The following LRRC4C variants were observed in gnomAD, a reference collection of about 807,000 sequenced individuals.
The protein encoded by LRRC4C is leucine rich repeat containing 4C, also known as leucine-rich repeat-containing protein 4C.
Under a neutral mutation model 33.6 loss-of-function variants are expected in LRRC4C, and 5 were observed. The ratio of observed to expected loss-of-function variants is 0.15; its 90% CI spans 0.08 to 0.31. The LOEUF is 0.31. LRRC4C is among the 10% of genes least tolerant of loss of function. The probability of loss-of-function intolerance (pLI) is 1.00; values close to 1 mark genes in which losing one functional copy is unlikely to be tolerated. For synonymous variants in LRRC4C, 329 were observed against 302.0 expected (o/e 1.09, Z -0.93); for missense variants, 560 against 796.7 (o/e 0.70, Z 3.58).
At chr11:41,170,511 T>A (rs1944926787) in intron 1 of LRRC4C, among the ~76,000 whole-genome samples, 1 of 152,214 alleles carries the variant, frequency 6.6e-6, no homozygotes. Flanking sequence ...GGGAAAGGAT[T>A]CCTTATTTAA....
At position 40,988,719 on chromosome 11, in the gene LRRC4C, T is replaced by C. The variant is rs1176114922; in HGVS notation, c.-495-54996A>G. Among the ~76,000 whole-genome samples the C allele has an allele frequency of 5.4e-3, 761 of 142,076 alleles. 11 individuals carry two copies. The highest frequency in any genetic ancestry group is 0.019 in the African/African-American group (716 of 38,372). 93.2% of individuals were successfully genotyped at this position (142,076 alleles called of 152,430 possible). A position where few individuals can be genotyped will look rare whatever the true frequency, so the allele number is the denominator to read the frequency against. ...TTTTCCTTTCTTTTCTTTTCTTTTT[T>C]TTTTTTTTTTTTTTTGAGACAGAGT... On this transcript the variant is annotated intron_variant, in intron 1 of 6. Coordinates refer to ENST00000528697, the MANE Select transcript of LRRC4C (RefSeq NM_001258419.2).
At chr11:40,670,889 G>GGACTAT (rs1944063781) in intron 2 of LRRC4C, among the ~76,000 whole-genome samples, 1 of 151,942 alleles carries the variant, frequency 6.6e-6, no homozygotes, top group Non-Finnish European at 1.5e-5. Context: ...TCAGCCTCCC[G>GGACTAT]AGTGGCTGGG....
intron 2 of LRRC4C, among the ~76,000 whole-genome samples, chr11:40,706,469 C>A (rs1187495184): frequency 6.6e-6 from 1 of 152,156 alleles, no homozygotes; most frequent in Non-Finnish European, 1.5e-5. Context: ...AATAGGGAAT[C>A]CTTTCCCCAT....
At chr11:41,224,148 A>G (rs1947424600) in intron 1 of LRRC4C, among the ~76,000 whole-genome samples, 1 of 152,204 alleles carries the variant, frequency 6.6e-6, no homozygotes, top group Non-Finnish European at 1.5e-5. Context: ...AAAACACTTA[A>G]GTGGATTAAA....
At chr11:41,118,016 G>T (rs1026310770) in intron 1 of LRRC4C, among the ~76,000 whole-genome samples, 10 of 152,168 alleles carry the variant, frequency 6.6e-5, no homozygotes, top group African/African-American at 2.4e-4. Context: ...GAAAGTTTAG[G>T]TAATAATTCT....
At chr11:41,105,150 C>T (rs1217634225) in intron 1 of LRRC4C, among the ~76,000 whole-genome samples, 2 of 151,890 alleles carry the variant, frequency 1.3e-5, no homozygotes, top group East Asian at 1.9e-4. Flanking sequence ...CTTCATTGCC[C>T]CAACTTATTC....
chr11:41,326,954 TACAC>T (rs1951140191), intron 1 of LRRC4C, among the ~76,000 whole-genome samples: 1 of 152,214 alleles, frequency 6.6e-6, no homozygotes, highest in South Asian at 2.1e-4. Flanking sequence ...TCTTGTAGAT[TACAC>T]TGTCAATCAT....
chr11:41,158,599 G>A (rs1218554553), intron 1 of LRRC4C, among the ~76,000 whole-genome samples: 1 of 152,080 alleles, frequency 6.6e-6, no homozygotes, highest in Non-Finnish European at 1.5e-5. Flanking sequence ...CAGTGAGCCT[G>A]GGAGGAGAAG....
At chr11:40,564,189 A>T (rs1957664316) in intron 3 of LRRC4C, among the ~76,000 whole-genome samples, 1 of 152,318 alleles carries the variant, frequency 6.6e-6, no homozygotes, top group East Asian at 1.9e-4. Context: ...GTAAAAGACC[A>T]TAGGGAATGG....
At chr11:41,306,823 T>C (rs1950517829) in intron 1 of LRRC4C, among the ~76,000 whole-genome samples, 1 of 152,190 alleles carries the variant, frequency 6.6e-6, no homozygotes, top group African/African-American at 2.4e-5. Context: ...CATGCACTTA[T>C]TAAGGAAAGT....
intron 2 of LRRC4C, among the ~76,000 whole-genome samples, chr11:40,772,702 G>T (rs1408886026): frequency 2.0e-5 from 3 of 152,166 alleles, no homozygotes; most frequent in East Asian, 3.9e-4. Flanking sequence ...AGGCAATAAT[G>T]AATACTGACA....
intron 3 of LRRC4C, among the ~76,000 whole-genome samples, chr11:40,498,574 T>C (rs1042401027): frequency 6.6e-6 from 1 of 152,222 alleles, no homozygotes; most frequent in African/African-American, 2.4e-5. Context: ...TCGATAGCCT[T>C]GGAAGATAAA....
intron 1 of LRRC4C, among the ~76,000 whole-genome samples, chr11:41,209,711 G>A (rs1229373842): frequency 6.6e-6 from 1 of 151,960 alleles, no homozygotes; most frequent in Non-Finnish European, 1.5e-5. Context: ...AATGGAACAA[G>A]ACTTTTTGGA....
At chr11:40,411,051 A>G (rs764373658) in intron 3 of LRRC4C, among the ~76,000 whole-genome samples, 1 of 152,090 alleles carries the variant, frequency 6.6e-6, no homozygotes, top group African/African-American at 2.4e-5. Flanking sequence ...AACATTGGTG[A>G]TTGACAAACA....
chr11:40,909,014 C>T (rs1440496180), intron 2 of LRRC4C, among the ~76,000 whole-genome samples: 2 of 151,960 alleles, frequency 1.3e-5, no homozygotes, highest in Admixed American at 6.6e-5. Context: ...ACTATATGAA[C>T]GGTTAATGCA....
At chr11:40,368,073 G>C (rs887433110) in intron 3 of LRRC4C, among the ~76,000 whole-genome samples, 1 of 152,060 alleles carries the variant, frequency 6.6e-6, no homozygotes, top group African/African-American at 2.4e-5. Flanking sequence ...ATTGGCTTAA[G>C]GCAGGGACAT....
intron 1 of LRRC4C, among the ~76,000 whole-genome samples, chr11:40,974,966 T>G (rs1201143308): frequency 6.6e-6 from 1 of 152,168 alleles, no homozygotes; most frequent in Non-Finnish European, 1.5e-5. Flanking sequence ...CATCAGCTTT[T>G]CTGGTTTTGA....
chr11:40,834,059 A>G (rs1353526060), intron 2 of LRRC4C, among the ~76,000 whole-genome samples: 1 of 152,186 alleles, frequency 6.6e-6, no homozygotes, highest in Admixed American at 6.6e-5. Flanking sequence ...TGTGTCCTCT[A>G]TATTTAATGA....
At chr11:41,381,281 A>T (rs1388157112) in intron 1 of LRRC4C, among the ~76,000 whole-genome samples, 3 of 152,172 alleles carry the variant, frequency 2.0e-5, no homozygotes, top group African/African-American at 4.8e-5. Flanking sequence ...GCATTTGAAC[A>T]CTTCAGACAT....
Sources: gnomAD v4.1 joint callset for allele counts (sites outside exome capture counted in the v4.1 genomes callset) on GRCh38, gnomAD v4.1.1 for gene constraint, MANE v1.5 for transcripts, NCBI Gene and HGNC (gene_info 2026-07-23, HGNC 2026-07-21) for gene names.